Variants in CHN2 observed in about 807,000 individuals in gnomAD.
CHN2 encodes the protein beta-chimaerin.
A neutral mutation model predicts 56.3 loss-of-function variants in CHN2; 35 were observed. The ratio of observed to expected loss-of-function variants is 0.62; its 90% CI spans 0.47 to 0.82. CHN2 has a LOEUF of 0.82. Among genes scored for constraint, CHN2 ranks in the 40% least tolerant of loss-of-function variants. The pLI is 0.00. For synonymous variants in CHN2, 210 were observed against 212.8 expected, an observed-to-expected ratio of 0.99 and a Z score of 0.12; for missense variants, 491 against 580.5, an observed-to-expected ratio of 0.85 and a Z score of 1.58.
intron 1 of CHN2, chr7:29,199,833 C>T (rs926793263): frequency 2.0e-5 from 3 of 152,218 alleles, no homozygotes; most frequent in African/African-American, 7.2e-5. Context: ...CCACTGACCC[C>T]ATGAAGTGCA....
At chr7:29,431,200 A>T (rs1782839914) in intron 6 of CHN2, among the ~76,000 whole-genome samples, 1 of 152,168 alleles carries the variant, frequency 6.6e-6, no homozygotes, top group Admixed American at 6.5e-5. Flanking sequence ...ATGCTCTGTT[A>T]TGCCCCCTGA....
At chr7:29,196,429 G>A (rs930042796) in intron 1 of CHN2, among the ~76,000 whole-genome samples, 2 of 152,216 alleles carry the variant, frequency 1.3e-5, no homozygotes, top group African/African-American at 4.8e-5. Flanking sequence ...GTTGACCGCC[G>A]TGGTTTTAAT....
At position 29,375,190 on chromosome 7, in the gene CHN2, CTTTTTTTTTTT is replaced by C. The variant is rs70980534; in HGVS notation, c.144+7221_144+7231del. Among the ~76,000 whole-genome samples the C allele has an allele frequency of 1.5e-3, 116 of 77,938 alleles. 1 individual carries two copies. Among genetic ancestry groups the C allele is most frequent in the African/African-American group, 6.7e-3 (108 of 16,200 alleles). The allele number at this position is 77,938 out of a possible 152,430, so 51.1% of individuals were successfully genotyped here. On this transcript the variant is annotated intron_variant, in intron 3 of 12. Coordinates refer to ENST00000222792, the MANE Select transcript of CHN2 (RefSeq NM_004067.4). Reference sequence around the variant, plus strand: ...CAAGCATGAGCCACCGTGCTCGGCCCTTTTTTTTTTTTTTTTTTTTTTTTTTTTGACGGAGT... The same window carrying C: ...CAAGCATGAGCCACCGTGCTCGGCCCTTTTTTTTTTTTTTTTTGACGGAGT...
chr7:29,192,942 A>G (rs1251596321), upstream of CHN2: 1 of 152,244 alleles, frequency 6.6e-6, no homozygotes, highest in Non-Finnish European at 1.5e-5. Context: ...AACTCTGGGG[A>G]AACAGTAAGT....
chr7:29,212,798 C>A, intron 1 of CHN2: 3 of 1,608,540 alleles, frequency 1.9e-6, no homozygotes, highest in Non-Finnish European at 2.6e-6. Flanking sequence ...TGGTGTGACT[C>A]GGAAGGCCTC....
chr7:29,463,390 C>T (rs1359546867), intron 6 of CHN2, among the ~76,000 whole-genome samples: 2 of 152,058 alleles, frequency 1.3e-5, no homozygotes, highest in Non-Finnish European at 2.9e-5. Flanking sequence ...CACCTGCAAC[C>T]ACACAAGTAT....
intron 6 of CHN2, among the ~76,000 whole-genome samples, chr7:29,441,650 A>G (rs1783657492): frequency 6.6e-6 from 1 of 152,252 alleles, no homozygotes; most frequent in Admixed American, 6.5e-5. Flanking sequence ...CAAAGAAAAT[A>G]CACAAATGGC....
chr7:29,455,146 T>G (rs1390269625), intron 6 of CHN2, among the ~76,000 whole-genome samples: 1 of 152,090 alleles, frequency 6.6e-6, no homozygotes, highest in African/African-American at 2.4e-5. Flanking sequence ...CTGAGTTAGC[T>G]GAGAAGAAAT....
intron 6 of CHN2, among the ~76,000 whole-genome samples, chr7:29,469,838 C>T (rs1785881477): frequency 6.6e-6 from 1 of 152,090 alleles, no homozygotes; most frequent in Admixed American, 6.6e-5. Flanking sequence ...GTTCCCTGTT[C>T]TATCTCACTG....
intron 2 of CHN2, among the ~76,000 whole-genome samples, chr7:29,150,368 A>G (rs1222253549): frequency 6.6e-6 from 1 of 152,250 alleles, no homozygotes; most frequent in Non-Finnish European, 1.5e-5. Flanking sequence ...AAAAAATGGC[A>G]GCTGTAACAA....
chr7:29,230,220 G>T (rs1301543018), intron 1 of CHN2, among the ~76,000 whole-genome samples: 1 of 152,146 alleles, frequency 6.6e-6, no homozygotes, highest in African/African-American at 2.4e-5. Flanking sequence ...GTATTTTGTT[G>T]CCTCAGAAAA....
intron 1 of CHN2, among the ~76,000 whole-genome samples, chr7:29,331,621 A>G (rs1381307059): frequency 2.6e-5 from 4 of 152,172 alleles, no homozygotes; most frequent in Non-Finnish European, 5.9e-5. Flanking sequence ...GACCCCTGGG[A>G]GAAGCAGACA....
At chr7:29,157,806 G>A (rs1475227325) in intron 2 of CHN2, among the ~76,000 whole-genome samples, 1 of 151,476 alleles carries the variant, frequency 6.6e-6, no homozygotes, top group Non-Finnish European at 1.5e-5. Flanking sequence ...ATATGTCACA[G>A]AGGTTTCAAA....
intron 6 of CHN2, among the ~76,000 whole-genome samples, chr7:29,405,161 C>CCACACACACA (rs1429739362): frequency 1.4e-4 from 7 of 49,804 alleles, no homozygotes; most frequent in East Asian, 1.0e-3. Flanking sequence ...GCTTATGTCA[C>CCACACACACA]CATACACACA....
chr7:29,161,109 C>T (rs112674804), intron 2 of CHN2, among the ~76,000 whole-genome samples: 6 of 152,262 alleles, frequency 3.9e-5, no homozygotes, highest in African/African-American at 1.2e-4. Flanking sequence ...TAAACCCCTT[C>T]GTTCTACCTT....
At chr7:29,500,497 G>A (rs965250453) in intron 9 of CHN2, among the ~76,000 whole-genome samples, 1 of 152,074 alleles carries the variant, frequency 6.6e-6, no homozygotes, top group Non-Finnish European at 1.5e-5. Context: ...GTGTGGTGGT[G>A]CACACCTGTA....
intron 1 of CHN2, among the ~76,000 whole-genome samples, chr7:29,281,985 A>G (rs1333504940): frequency 1.3e-5 from 2 of 152,284 alleles, no homozygotes; most frequent in Admixed American, 6.5e-5. Flanking sequence ...CGCCTCCTCC[A>G]TAAATAACAT....
intron 1 of CHN2, among the ~76,000 whole-genome samples, chr7:29,321,572 T>TTC (rs1302811758): frequency 1.9e-4 from 7 of 37,490 alleles, no homozygotes; most frequent in Admixed American, 2.8e-4. Flanking sequence ...CTTTCTTTCT[T>TTC]TTTTTTTTTT....
intron 6 of CHN2, among the ~76,000 whole-genome samples, chr7:29,435,894 C>CTTTT (rs57786505): frequency 0.02 from 2,731 of 137,284 alleles, 85 homozygotes; most frequent in African/African-American, 0.057. Flanking sequence ...GAAGCGCCTC[C>CTTTT]TTTTTTTTTT....
Sources: gnomAD v4.1 joint callset for allele counts (sites outside exome capture counted in the v4.1 genomes callset) on GRCh38, gnomAD v4.1.1 for gene constraint, MANE v1.5 for transcripts, NCBI Gene and HGNC (gene_info 2026-07-23, HGNC 2026-07-21) for gene names.